SGSM1: variants seen among roughly 807,000 people sequenced by gnomAD.
The protein encoded by SGSM1 is RUN and TBC1 domain containing 2.
SGSM1 carries 73 observed loss-of-function variants against 133.8 expected under a neutral mutation model. That is an observed-to-expected ratio of 0.55 (90% CI 0.45 to 0.66). The LOEUF is 0.66. Ranked by LOEUF, SGSM1 falls within the 30% of genes least tolerant of loss-of-function variation. SGSM1 has a pLI of 0.00. For synonymous variants in SGSM1, 563 were observed against 573.0 expected (o/e 0.98, Z 0.25); for missense variants, 1,213 against 1,448.1 (o/e 0.84, Z 2.64).
intron 2 of SGSM1, among the ~76,000 whole-genome samples, chr22:24,840,683 A>G (rs1391297022): frequency 6.6e-6 from 1 of 151,474 alleles, no homozygotes; most frequent in African/African-American, 2.4e-5. Flanking sequence ...CTGTGGATTT[A>G]GTTTGTTCTT....
chr22:24,835,004 A>G (rs1256997401), intron 2 of SGSM1, among the ~76,000 whole-genome samples: 2 of 152,102 alleles, frequency 1.3e-5, no homozygotes, highest in Non-Finnish European at 2.9e-5. Flanking sequence ...CTCAAGACAT[A>G]CGTTATTCTC....
At chr22:24,889,198 G>A (rs1383673664) in intron 16 of SGSM1, among the ~76,000 whole-genome samples, 1 of 151,990 alleles carries the variant, frequency 6.6e-6, no homozygotes, top group Non-Finnish European at 1.5e-5. Flanking sequence ...CTGACCTCGT[G>A]ATCCGCCTGC....
At chr22:24,883,014 C>T (rs1259971403) in intron 14 of SGSM1, among the ~76,000 whole-genome samples, 1 of 151,930 alleles carries the variant, frequency 6.6e-6, no homozygotes, top group Non-Finnish European at 1.5e-5. Flanking sequence ...TCTCCTGCCT[C>T]AGCCTCCGGA....
intron 21 of SGSM1, among the ~76,000 whole-genome samples, chr22:24,909,834 A>G (rs908943124): frequency 6.6e-6 from 1 of 152,178 alleles, no homozygotes; most frequent in Non-Finnish European, 1.5e-5. Context: ...CAGCAATTTC[A>G]TCCGTAGATA....
At chr22:24,899,519 T>C (rs1030210890) in intron 19 of SGSM1, among the ~76,000 whole-genome samples, 1 of 43,916 alleles carries the variant, frequency 2.3e-5, no homozygotes, top group Non-Finnish European at 3.8e-5. Flanking sequence ...TTTTCTTTTC[T>C]TTTTTTTTTT....
At chr22:24,830,515 C>T (rs1385177134) in intron 2 of SGSM1, among the ~76,000 whole-genome samples, 2 of 152,132 alleles carry the variant, frequency 1.3e-5, no homozygotes, top group East Asian at 1.9e-4. Context: ...ATAGATGGCT[C>T]CCCCAAACCC....
chr22:24,858,789 T>C (rs73879150), intron 8 of SGSM1, among the ~76,000 whole-genome samples: 2,640 of 152,294 alleles, frequency 0.017, 73 homozygotes, highest in African/African-American at 0.055. Context: ...CAATTCAAAG[T>C]TGAATCGCAG....
intron 12 of SGSM1, among the ~76,000 whole-genome samples, chr22:24,870,415 A>T (rs1456287728): frequency 6.6e-6 from 1 of 152,236 alleles, no homozygotes; most frequent in Admixed American, 6.5e-5. Flanking sequence ...GATCCTCTAT[A>T]GTTGCCTTCC....
chr22:24,876,285 C>T (rs532709990), intron 12 of SGSM1, among the ~76,000 whole-genome samples: 1 of 152,326 alleles, frequency 6.6e-6, no homozygotes, highest in South Asian at 2.1e-4. Context: ...CATGGCAAGG[C>T]TTGGCCTCCT....
intron 2 of SGSM1, among the ~76,000 whole-genome samples, chr22:24,809,527 G>A (rs1927610865): frequency 6.6e-6 from 1 of 152,250 alleles, no homozygotes; most frequent in Non-Finnish European, 1.5e-5. Context: ...ACAGAGGCTG[G>A]GAGCTGGAAA....
intron 2 of SGSM1, among the ~76,000 whole-genome samples, chr22:24,830,581 G>T (rs1929059553): frequency 7.5e-6 from 1 of 132,452 alleles, no homozygotes; most frequent in South Asian, 2.3e-4. Context: ...GTGGGAGGAA[G>T]GATGCTGGGA....
At chr22:24,893,321 T>C in intron 16 of SGSM1, 110 bp from the exon 17 acceptor site, 1 of 1,159,616 alleles carries the variant, frequency 8.6e-7, no homozygotes, top group Middle Eastern at 2.5e-4. Context: ...TGCTGGATGT[T>C]AACTGCGTGA....
chr22:24,812,845 A>G (rs1243220141), intron 2 of SGSM1, among the ~76,000 whole-genome samples: 4 of 152,096 alleles, frequency 2.6e-5, no homozygotes, highest in African/African-American at 4.8e-5. Flanking sequence ...AGCATCTACT[A>G]TGTGCCAGGC....
chr22:24,809,634 G>C (rs1927616471), intron 2 of SGSM1, among the ~76,000 whole-genome samples: 1 of 152,186 alleles, frequency 6.6e-6, no homozygotes, highest in South Asian at 2.1e-4. Context: ...TCCAACCCCA[G>C]ATGTGTTTAT....
chr22:24,827,200 G>T (rs1928847576), intron 2 of SGSM1, among the ~76,000 whole-genome samples: 2 of 152,094 alleles, frequency 1.3e-5, no homozygotes, highest in South Asian at 4.1e-4. Context: ...GCAGCGGAGG[G>T]TACCTGGGTG....
chr22:24,879,446 C>T lies in SGSM1; in HGVS notation c.1431-16C>T, dbSNP rs373566253. ...TTGGATCTATTCTAAGCATCTCCCT[C>T]TTTCTCCACCTGCAGGGCTCCCCTG... On this transcript the variant is annotated splice_polypyrimidine_tract_variant and intron_variant, in intron 13 of 24. Transcript: ENST00000400358. 4.1e-4 allele frequency: 657 copies of T among 1,613,282 alleles called. 2 individuals are homozygous for T. In the Middle Eastern group the frequency reaches 4.3e-3, roughly 11 times the overall value.
intron 22 of SGSM1, among the ~76,000 whole-genome samples, chr22:24,915,923 C>T (rs984562965): frequency 6.6e-6 from 1 of 152,148 alleles, no homozygotes; most frequent in African/African-American, 2.4e-5. Context: ...TTTCTATGTA[C>T]ATGTTTTCCA....
At chr22:24,844,640 T>C (rs1929988667) in intron 2 of SGSM1, 1 of 484,706 alleles carries the variant, frequency 2.1e-6, no homozygotes, top group Admixed American at 3.4e-5. Flanking sequence ...TGACGTTTTG[T>C]GAGATGCCTA....
intron 2 of SGSM1, among the ~76,000 whole-genome samples, chr22:24,842,274 G>T (rs1462748958): frequency 6.6e-6 from 1 of 152,162 alleles, no homozygotes. Context: ...AGCCCCTGGA[G>T]TCAGACAAAC....
Sources: gnomAD v4.1 joint callset for allele counts (sites outside exome capture counted in the v4.1 genomes callset) on GRCh38, gnomAD v4.1.1 for gene constraint, MANE v1.5 for transcripts, NCBI Gene and HGNC (gene_info 2026-07-23, HGNC 2026-07-21) for gene names.